The following ADGRV1 variants were observed in gnomAD, a reference collection of about 807,000 sequenced individuals.
ADGRV1 encodes the protein adhesion G protein-coupled receptor V1.
In ADGRV1, 359 loss-of-function variants were observed where a neutral mutation model predicts 596.2. The observed-to-expected ratio is 0.60, with a 90% CI of 0.55 to 0.66. The LOEUF is 0.66. Among genes scored for constraint, ADGRV1 ranks in the 30% least tolerant of loss-of-function variants. The probability of loss-of-function intolerance (pLI) is 0.00; values close to 1 mark genes in which losing one functional copy is unlikely to be tolerated. For missense variants in ADGRV1, 7,274 were observed against 7,575.6 expected, an observed-to-expected ratio of 0.96 and a Z score of 1.48; for synonymous variants, 2,681 against 2,679.2, an observed-to-expected ratio of 1.00 and a Z score of -0.02.
intron 87 of ADGRV1, among the ~76,000 whole-genome samples, chr5:91,130,242 A>T (rs1164410553): frequency 1.3e-5 from 2 of 151,084 alleles, no homozygotes; most frequent in African/African-American, 4.9e-5. Flanking sequence ...ATTGAAAAAA[A>T]AAAAAGAGGC....
Position 91,027,013 on chromosome 5 carries a change from A to G in ADGRV1, c.18152+41491A>G, listed in dbSNP as rs566007071. On this transcript the variant is annotated intron_variant, in intron 85 of 89. Transcript: ENST00000405460. The stretch of plus-strand genomic sequence containing the variant: ...AAAAATTAGCCAGGTGTGGTGGTGC[A>G]TGCCTGTAGTCCCAGCTACTCAGGA... 1.5e-4 allele frequency among the ~76,000 whole-genome samples: 23 copies of G among 152,020 alleles called. No homozygotes were observed. In the South Asian group the frequency reaches 4.4e-3, roughly 29 times the overall value.
At chr5:90,936,284 C>G (rs899311368) in intron 83 of ADGRV1, among the ~76,000 whole-genome samples, 1 of 151,462 alleles carries the variant, frequency 6.6e-6, no homozygotes, top group African/African-American at 2.4e-5. Context: ...TTATGGTGTT[C>G]TCCTCTCTCA....
intron 87 of ADGRV1, among the ~76,000 whole-genome samples, chr5:91,132,891 T>C (rs1240292308): frequency 6.6e-6 from 1 of 152,178 alleles, no homozygotes; most frequent in East Asian, 1.9e-4. Context: ...AATGATGACC[T>C]TGAAAAAGTG....
chr5:90,795,614 C>T (rs1011012517), intron 70 of ADGRV1, among the ~76,000 whole-genome samples: 4 of 152,202 alleles, frequency 2.6e-5, no homozygotes, highest in African/African-American at 7.2e-5. Context: ...CTGAAGAGAG[C>T]AGTGGATCTC....
intron 1 of ADGRV1, among the ~76,000 whole-genome samples, chr5:90,563,547 A>C (rs1388742973): frequency 6.6e-6 from 1 of 152,244 alleles, no homozygotes; most frequent in Non-Finnish European, 1.5e-5. Context: ...CTTCAAATAA[A>C]ATGCAACTCC....
chr5:90,669,399 A>C (rs911721327), intron 21 of ADGRV1, among the ~76,000 whole-genome samples: 3 of 152,242 alleles, frequency 2.0e-5, no homozygotes, highest in African/African-American at 7.2e-5. Flanking sequence ...TGCCAGATGC[A>C]TAATGAGAAA....
intron 86 of ADGRV1, among the ~76,000 whole-genome samples, chr5:91,073,552 T>G (rs1303909857): frequency 6.6e-6 from 1 of 152,208 alleles, no homozygotes; most frequent in Non-Finnish European, 1.5e-5. Context: ...CTGAACTTGA[T>G]CAGTTAATAT....
intron 42 of ADGRV1, among the ~76,000 whole-genome samples, chr5:90,713,441 G>A (rs750626374): frequency 8.6e-5 from 13 of 151,594 alleles, no homozygotes; most frequent in Admixed American, 1.3e-4. Flanking sequence ...GTGGTAAAGC[G>A]TTGTATGAAT....
At chr5:90,674,719 A>G (rs1772978840) in intron 23 of ADGRV1, 2 of 153,534 alleles carry the variant, frequency 1.3e-5, no homozygotes, top group Admixed American at 1.3e-4. Flanking sequence ...TCTGTATTGG[A>G]AAATAATATT....
chr5:90,709,548 T>C (rs1042838955), intron 39 of ADGRV1, among the ~76,000 whole-genome samples: 2 of 152,144 alleles, frequency 1.3e-5, no homozygotes, highest in Non-Finnish European at 2.9e-5. Context: ...CTGAGTTGGT[T>C]AGAAGGAGTG....
At chr5:90,720,309 G>T (rs1170932538) in intron 44 of ADGRV1, 86 bp downstream of exon 44, 10 of 871,254 alleles carry the variant, frequency 1.1e-5, no homozygotes, top group Non-Finnish European at 1.7e-5. Flanking sequence ...GAAGGAAATT[G>T]ATATCTGATT....
chr5:91,063,365 G>A (rs1450184199), intron 85 of ADGRV1, among the ~76,000 whole-genome samples: 5 of 152,172 alleles, frequency 3.3e-5, no homozygotes, highest in African/African-American at 9.6e-5. Flanking sequence ...AAAATATCTC[G>A]CTTTTATTAT....
At chr5:90,766,105 T>C (rs1757106303) in intron 59 of ADGRV1, among the ~76,000 whole-genome samples, 1 of 151,992 alleles carries the variant, frequency 6.6e-6, no homozygotes, top group African/African-American at 2.4e-5. Flanking sequence ...GAGACAGGGT[T>C]TCACTGTGTT....
At chr5:90,609,929 G>T (rs918817354) in intron 1 of ADGRV1, among the ~76,000 whole-genome samples, 1 of 151,940 alleles carries the variant, frequency 6.6e-6, no homozygotes, top group African/African-American at 2.4e-5. Flanking sequence ...TTGAGGGAAG[G>T]TTTTATTTTT....
chr5:91,139,762 T>G (rs930837763), intron 87 of ADGRV1, among the ~76,000 whole-genome samples: 2 of 152,226 alleles, frequency 1.3e-5, no homozygotes, highest in Non-Finnish European at 2.9e-5. Context: ...CAGCCTGTTC[T>G]CACCACTCTC....
chr5:90,608,623 C>G (rs1219710466), intron 1 of ADGRV1, among the ~76,000 whole-genome samples: 2 of 152,032 alleles, frequency 1.3e-5, no homozygotes, highest in Non-Finnish European at 2.9e-5. Flanking sequence ...GCCTAACATA[C>G]AAGACCTAAA....
In ADGRV1 at chr5:90,624,196, CA is replaced by C. The variant is rs540599605; in HGVS notation, c.559-933del. On this transcript the variant is annotated intron_variant, in intron 5 of 89. Coordinates refer to ENST00000405460, the MANE Select transcript of ADGRV1 (RefSeq NM_032119.4). The stretch of plus-strand genomic sequence containing the variant: ...GCAGAAGACAATAATGCATGAAAAA[CA>C]CAGTAAACACTAACTAAATATGCAG... Among the ~76,000 whole-genome samples the C allele has an allele frequency of 1.6e-4, 24 of 152,182 alleles. 2 individuals are homozygous for C. The South Asian group carries it at 5.0e-3, about 32-fold the overall frequency.
chr5:90,770,137 C>T (rs1757536915), intron 59 of ADGRV1, among the ~76,000 whole-genome samples: 1 of 152,154 alleles, frequency 6.6e-6, no homozygotes, highest in Non-Finnish European at 1.5e-5. Context: ...CTCACAGTTC[C>T]ACATGGCTGG....
intron 83 of ADGRV1, among the ~76,000 whole-genome samples, chr5:90,959,991 T>C (rs1383054566): frequency 2.6e-5 from 4 of 151,788 alleles, no homozygotes; most frequent in Admixed American, 1.3e-4. Context: ...TACAAAAAAT[T>C]AGCTGGGCAT....
Sources: allele counts gnomAD v4.1 joint callset (sites outside exome capture counted in the v4.1 genomes callset), GRCh38; gene constraint gnomAD v4.1.1; transcripts MANE v1.5; gene names NCBI Gene and HGNC (gene_info 2026-07-23, HGNC 2026-07-21).